Variants in CCN6 observed in about 807,000 individuals in gnomAD.
The protein encoded by CCN6 is CCN family member 6.
In CCN6, 31 loss-of-function variants were observed where a neutral mutation model predicts 37.4. That is an observed-to-expected ratio of 0.83 (90% CI 0.62 to 1.12). CCN6 has a LOEUF of 1.12. Ranked by LOEUF, CCN6 falls within the 50% of genes most tolerant of loss-of-function variation. CCN6 has a pLI of 0.00. For synonymous variants in CCN6, 137 were observed against 142.1 expected, an observed-to-expected ratio of 0.96 and a Z score of 0.26; for missense variants, 369 against 413.8, an observed-to-expected ratio of 0.89 and a Z score of 0.94.
chr6:112,062,576 C>T (rs79411099), intron 2 of CCN6, among the ~76,000 whole-genome samples: 11,062 of 152,244 alleles, frequency 0.073, 539 homozygotes, highest in South Asian at 0.11. Context: ...GGCATAGCCA[C>T]GAGGATAGGA....
At chr6:112,067,865 A>G (rs587748787) in intron 3 of CCN6, among the ~76,000 whole-genome samples, 2 of 152,278 alleles carry the variant, frequency 1.3e-5, no homozygotes, top group African/African-American at 4.8e-5. Context: ...ATGAGGCAAG[A>G]ACAAGGGAAA....
rs587681232 is a variant in CCN6 at position 112,061,196 on chromosome 6, T to C, written c.254T>C (p.Ile85Thr). Residue 85 changes from isoleucine to threonine, a missense_variant, in exon 2 of 5, where the codon ATC (isoleucine) becomes ACC (threonine). Physicochemically the swap from Ile to Thr is moderately conservative, Grantham distance 89. Coordinates refer to ENST00000368666, the MANE Select transcript of CCN6 (RefSeq NM_198239.2). ...ATCTGTGCCAAGCAACCAGGGGAAA[T>C]CTGCAATGAAGCTGACCTCTGTGAC... ...CKICAKQPGE[I>T]CNEADLCDPH... 1 of 1,614,064 alleles carries C rather than the reference T, an allele frequency of 6.2e-7. No individual in the cohort carries two copies. The highest frequency in any genetic ancestry group is 1.7e-5 in the Admixed American group (1 of 60,002).
chr6:112,066,203 G>A (rs1051937244), intron 3 of CCN6, among the ~76,000 whole-genome samples: 1 of 151,926 alleles, frequency 6.6e-6, no homozygotes, highest in Admixed American at 6.6e-5. Flanking sequence ...TACTATACAT[G>A]TTCAGTTGAC....
Position 112,061,016 on chromosome 6 carries a change from G to A in CCN6, c.74G>A (p.Gly25Glu), listed in dbSNP as rs1554312685. 5 of 1,614,094 alleles carry A rather than the reference G, an allele frequency of 3.1e-6. No individual in the cohort carries two copies. The South Asian group carries it at 4.4e-5, about 14-fold the overall frequency. ...AQFCCRVQGT[G>E]PLDTTPEGRP... ...TTCTGCTGCAGGGTACAGGGCACTG[G>A]ACCATTAGATACAACACCTGAAGGA... Residue 25 changes from glycine (G) to glutamate (E), a missense_variant, in exon 2 of 5, where the codon GGA becomes GAA. Gly to Glu is a moderately conservative substitution (Grantham distance 98). Coordinates refer to ENST00000368666, the MANE Select transcript of CCN6 (RefSeq NM_198239.2).
chr6:112,062,482 G>T (rs1333295725), intron 2 of CCN6, among the ~76,000 whole-genome samples: 6 of 152,162 alleles, frequency 3.9e-5, no homozygotes, highest in Non-Finnish European at 5.9e-5. Flanking sequence ...AAAGATATAG[G>T]CCTTGGCCTC....
rs782447115 is a variant in CCN6, at chr6:112,064,763, G to C, written c.355G>C (p.Ala119Pro). The C allele has an allele frequency of 5.0e-6, 8 of 1,613,856 alleles. No homozygotes were observed. The highest frequency in any genetic ancestry group is 2.2e-5 in the South Asian group (2 of 91,086). Reference protein sequence around the residue: ...YETGVCAYLVAVGCEFNQVHY... With the variant: ...YETGVCAYLVPVGCEFNQVHY... ...CTCTTTTCTCTTTTCAGACCTTGTAGCTGTTGGGTGCGAGTTCAACCAGGT... is the reference window on the plus strand; with the variant it reads ...CTCTTTTCTCTTTTCAGACCTTGTACCTGTTGGGTGCGAGTTCAACCAGGT... The change falls in exon 3 of 5, where the codon GCT becomes CCT. Residue 119 changes from alanine to proline, a missense_variant. Ala to Pro is a conservative substitution (Grantham distance 27). Transcript: ENST00000368666.
At chr6:112,057,642 T>C (rs1019450386) in intron 1 of CCN6, among the ~76,000 whole-genome samples, 2 of 152,080 alleles carry the variant, frequency 1.3e-5, no homozygotes, top group Non-Finnish European at 2.9e-5. Flanking sequence ...AGATGTCCAG[T>C]AGGTAGTTAT....
chr6:112,054,509 A>G, intron 1 of CCN6, 104 bp downstream of exon 1: 2 of 1,119,890 alleles, frequency 1.8e-6, no homozygotes, highest in Non-Finnish European at 2.7e-6. Flanking sequence ...AGGGAGGATC[A>G]ATGGCTTGTG....
At position 112,061,338 on chromosome 6, in the gene CCN6, T is replaced by A. The variant is rs1554312845; in HGVS notation, c.346+50T>A. On this transcript the variant is annotated intron_variant, in intron 2 of 4. Coordinates refer to ENST00000368666, the MANE Select transcript of CCN6 (RefSeq NM_198239.2). ...TGGAAAAGATTGAGTCTAGACAGAA[T>A]TTTTTTTTCCTGCAATTGTTAGCTT... The A allele has an allele frequency of 2.5e-6, 4 of 1,605,756 alleles. No individual in the cohort carries two copies. In the African/African-American group the frequency reaches 4.0e-5, roughly 16 times the overall value.
intron 1 of CCN6, among the ~76,000 whole-genome samples, chr6:112,057,548 A>G (rs1554311997): frequency 6.6e-6 from 1 of 152,212 alleles, no homozygotes; most frequent in East Asian, 1.9e-4. Context: ...AACCCAGATG[A>G]ATCCAGCTTC....
At chr6:112,058,105 T>C (rs979833247) in intron 1 of CCN6, among the ~76,000 whole-genome samples, 1 of 152,196 alleles carries the variant, frequency 6.6e-6, no homozygotes, top group South Asian at 2.1e-4. Flanking sequence ...GGATTCTAGC[T>C]TCACTATTTC....
At chr6:112,062,530 G>A (rs1776557883) in intron 2 of CCN6, among the ~76,000 whole-genome samples, 1 of 152,246 alleles carries the variant, frequency 6.6e-6, no homozygotes, top group Non-Finnish European at 1.5e-5. Flanking sequence ...CTTTCTGTAA[G>A]TAATTTCACA....
chr6:112,058,473 C>A (rs1776414624), intron 1 of CCN6, among the ~76,000 whole-genome samples: 1 of 152,282 alleles, frequency 6.6e-6, no homozygotes, highest in Non-Finnish European at 1.5e-5. Context: ...GGTATACTCA[C>A]AAACAAACCA....
rs34686812 is a variant in CCN6, at chr6:112,069,447, A to C, written c.892A>C (p.Ile298Leu). 1,263 of 1,613,776 alleles carry C rather than the reference A, an allele frequency of 7.8e-4. 9 individuals are homozygous for C. In the African/African-American group the frequency reaches 0.014, roughly 17 times the overall value. ...GAGTTACAAACCCACTTTTTGTGGA[A>C]TATGCTTGGATAAGAGATGCTGTAT... ...TQSYKPTFCG[I>L]CLDKRCCIPN... is the part of the protein sequence containing the mutation. Residue 298 changes from isoleucine to leucine, a missense_variant, in exon 5 of 5, where the codon ATA becomes CTA. Ile to Leu is a conservative substitution (Grantham distance 5). Coordinates refer to ENST00000368666, the MANE Select transcript of CCN6 (RefSeq NM_198239.2).
At chr6:112,057,513 C>A (rs1418871921) in intron 1 of CCN6, among the ~76,000 whole-genome samples, 5 of 152,120 alleles carry the variant, frequency 3.3e-5, no homozygotes, top group Non-Finnish European at 7.4e-5. Context: ...ACTGAATCGT[C>A]ATAGGAGGTG....
At chr6:112,065,264 C>T (rs1562597328) in intron 3 of CCN6, among the ~76,000 whole-genome samples, 1 of 152,154 alleles carries the variant, frequency 6.6e-6, no homozygotes, top group African/African-American at 2.4e-5. Context: ...TAAAATCTTA[C>T]ACCTCTGCTT....
intron 1 of CCN6, chr6:112,060,126 G>T (rs1554312511): frequency 2.7e-5 from 36 of 1,345,754 alleles, no homozygotes; most frequent in Non-Finnish European, 3.6e-5. Context: ...TATGGGGAGG[G>T]GGGACCACAG....
chr6:112,060,769 G>A (rs1008698053), intron 1 of CCN6, among the ~76,000 whole-genome samples: 1 of 152,094 alleles, frequency 6.6e-6, no homozygotes, highest in Non-Finnish European at 1.5e-5. Context: ...AGTGATAAAG[G>A]AGGAGTAAGA....
In CCN6 at chr6:112,069,478, A is replaced by G. The variant is rs781911824; in HGVS notation, c.923A>G (p.Asn308Ser). The G allele has an allele frequency of 1.2e-6, 2 of 1,613,780 alleles. No individual in the cohort carries two copies. The highest frequency in any genetic ancestry group is 2.2e-5 in the East Asian group (1 of 44,810). ...ICLDKRCCIPNKSKMITIQFD... is the reference protein window; with the variant it reads ...ICLDKRCCIPSKSKMITIQFD... Reference sequence around the variant, plus strand: ...TTGGATAAGAGATGCTGTATCCCTAATAAGTCTAAAATGATTACTATTCAA... The same window carrying G: ...TTGGATAAGAGATGCTGTATCCCTAGTAAGTCTAAAATGATTACTATTCAA... Residue 308 changes from asparagine (N) to serine (S), a missense_variant, in exon 5 of 5, where the codon AAT becomes AGT. Asn to Ser is a conservative substitution (Grantham distance 46). Coordinates refer to ENST00000368666, the MANE Select transcript of CCN6 (RefSeq NM_198239.2).
Sources: allele counts gnomAD v4.1 joint callset (sites outside exome capture counted in the v4.1 genomes callset), GRCh38; gene constraint gnomAD v4.1.1; transcripts MANE v1.5; gene names NCBI Gene and HGNC (gene_info 2026-07-23, HGNC 2026-07-21).